Variants in ASB3 observed in about 807,000 individuals in gnomAD.
ASB3 encodes ankyrin repeat and SOCS box containing 3, also known as ankyrin repeat and SOCS box protein 3.
In ASB3, 41 loss-of-function variants were observed where a neutral mutation model predicts 54.5. The observed-to-expected ratio is 0.75, with a 90% CI of 0.59 to 0.98. The LOEUF (loss-of-function observed/expected upper bound fraction) is 0.98, where lower values mean the gene tolerates loss of function less well. Ranked by LOEUF, ASB3 falls within the 50% of genes least tolerant of loss-of-function variation. The pLI is 0.00. For synonymous variants in ASB3, 266 were observed against 221.2 expected, an observed-to-expected ratio of 1.20 and a Z score of -1.80; for missense variants, 733 against 620.0, an observed-to-expected ratio of 1.18 and a Z score of -1.94.
intron 2 of ASB3, among the ~76,000 whole-genome samples, chr2:53,754,333 T>C (rs1229962477): frequency 6.6e-6 from 1 of 152,108 alleles, no homozygotes; most frequent in Non-Finnish European, 1.5e-5. Flanking sequence ...ATCAAGGAAG[T>C]AGAGTTTAAT....
At chr2:53,696,787 G>T (rs535819493) in intron 8 of ASB3, among the ~76,000 whole-genome samples, 1 of 152,230 alleles carries the variant, frequency 6.6e-6, no homozygotes, top group East Asian at 1.9e-4. Flanking sequence ...GCATTTATAA[G>T]GCATTAGGTA....
intron 3 of ASB3, among the ~76,000 whole-genome samples, chr2:53,732,609 T>C (rs956193586): frequency 6.6e-6 from 1 of 152,094 alleles, no homozygotes; most frequent in African/African-American, 2.4e-5. Context: ...GACAGAAAAA[T>C]TTTCATTTTT....
chr2:53,702,989 G>T (rs1268856655), intron 7 of ASB3, among the ~76,000 whole-genome samples: 2 of 152,168 alleles, frequency 1.3e-5, no homozygotes, highest in African/African-American at 4.8e-5. Flanking sequence ...GTGCCCACAC[G>T]ATATGGTGGC....
At chr2:53,731,198 G>A (rs181107669) in intron 3 of ASB3, among the ~76,000 whole-genome samples, 38 of 152,234 alleles carry the variant, frequency 2.5e-4, no homozygotes, top group African/African-American at 7.5e-4. Context: ...TCAGGAGATC[G>A]AGACCATCCT....
intron 9 of ASB3, among the ~76,000 whole-genome samples, chr2:53,683,292 C>T (rs188204107): frequency 3.9e-4 from 59 of 152,262 alleles, no homozygotes; most frequent in African/African-American, 6.7e-4. Context: ...TGTTGAACCA[C>T]GCTTGCATCC....
chr2:53,670,517 T>C lies in ASB3; in HGVS notation c.1543A>G (p.Ile515Val), dbSNP rs746945772. 9.3e-6 allele frequency: 15 copies of C among 1,613,594 alleles called. No individual in the cohort carries two copies. The highest frequency in any genetic ancestry group is 1.3e-5 in the Non-Finnish European group (15 of 1,179,924). Reference sequence around the variant, plus strand: ...GTTTCACTGATTTATCCATCTTGAATAGCTGCCAGTTCTGGAACTTCATAC... The same window carrying C: ...GTTTCACTGATTTATCCATCTTGAACAGCTGCCAGTTCTGGAACTTCATAC... The part of the protein sequence containing the change: ...RMYEVPELAA[I>V]QDG The change falls in exon 10 of 10, where the codon ATT becomes GTT. Residue 515 changes from isoleucine (I) to valine (V), a missense_variant. Physicochemically the swap from Ile to Val is conservative, Grantham distance 29. Transcript: ENST00000263634.
chr2:53,722,738 G>A (rs1357266554), intron 5 of ASB3, among the ~76,000 whole-genome samples: 1 of 152,036 alleles, frequency 6.6e-6, no homozygotes, highest in African/African-American at 2.4e-5. Flanking sequence ...ACATCATACT[G>A]AACAGGCAAA....
At chr2:53,670,805 A>C (rs1188339328) in intron 9 of ASB3, 115 bp from the exon 10 acceptor site, 8 of 1,201,540 alleles carry the variant, frequency 6.7e-6, no homozygotes, top group East Asian at 5.2e-5. Flanking sequence ...ATATTGCTTG[A>C]AAGAAGACTA....
At chr2:53,677,994 T>C (rs1668170391) in intron 9 of ASB3, among the ~76,000 whole-genome samples, 2 of 152,330 alleles carry the variant, frequency 1.3e-5, no homozygotes, top group Admixed American at 1.3e-4. Flanking sequence ...TTTTAGCTTT[T>C]TAAAATTTTT....
intron 5 of ASB3, among the ~76,000 whole-genome samples, chr2:53,726,228 T>C (rs1442312464): frequency 1.3e-5 from 2 of 150,390 alleles, no homozygotes; most frequent in Non-Finnish European, 3.0e-5. Context: ...GGAGAGACAT[T>C]AAGGTGCAGT....
At chr2:53,777,830 C>A (rs1265683986) in intron 1 of ASB3, among the ~76,000 whole-genome samples, 1 of 152,106 alleles carries the variant, frequency 6.6e-6, no homozygotes, top group Non-Finnish European at 1.5e-5. Flanking sequence ...TTACTAAAAA[C>A]AATATAACAT....
chr2:53,754,654 C>T (rs1482146341), intron 2 of ASB3, among the ~76,000 whole-genome samples: 1 of 152,192 alleles, frequency 6.6e-6, no homozygotes, highest in African/African-American at 2.4e-5. Context: ...ATTACTTAAA[C>T]CTCTCTGAGG....
At chr2:53,676,205 T>C (rs1163190568) in intron 9 of ASB3, among the ~76,000 whole-genome samples, 1 of 152,178 alleles carries the variant, frequency 6.6e-6, no homozygotes, top group African/African-American at 2.4e-5. Context: ...CTGCAAAGAC[T>C]CTAATATATT....
intron 3 of ASB3, among the ~76,000 whole-genome samples, chr2:53,736,343 C>G (rs563977881): frequency 3.4e-4 from 51 of 152,186 alleles, no homozygotes; most frequent in African/African-American, 1.1e-3. Context: ...AGTAAGTATC[C>G]GGCAGGGATG....
At chr2:53,716,365 G>C (rs1273524455) in intron 6 of ASB3, among the ~76,000 whole-genome samples, 1 of 152,002 alleles carries the variant, frequency 6.6e-6, no homozygotes, top group Non-Finnish European at 1.5e-5. Flanking sequence ...TAGCAATTCT[G>C]CCTCACAATA....
chr2:53,709,439 T>C lies in ASB3; in HGVS notation c.980+4945A>G, dbSNP rs897715718. On this transcript the variant is annotated intron_variant, in intron 7 of 9. Coordinates refer to ENST00000263634, the MANE Select transcript of ASB3 (RefSeq NM_016115.5). The stretch of plus-strand genomic sequence containing the variant: ...GCATAAAGGGCCTTCTTTCTTTGCA[T>C]TGGTCTTGCCTCTACCCCATAAACA... Among the ~76,000 whole-genome samples, 11 of 152,170 alleles carry C rather than the reference T, an allele frequency of 7.2e-5. 1 individual carries two copies. Among genetic ancestry groups the C allele is most frequent in the Admixed American group, 4.6e-4 (7 of 15,284 alleles).
intron 3 of ASB3, among the ~76,000 whole-genome samples, chr2:53,735,463 AC>A (rs1181026359): frequency 6.7e-6 from 1 of 148,296 alleles, no homozygotes; most frequent in African/African-American, 2.5e-5. Flanking sequence ...ACTACAAAAT[AC>A]TACTGAGAAA....
intron 1 of ASB3, among the ~76,000 whole-genome samples, chr2:53,769,800 C>T (rs1218730294): frequency 6.6e-6 from 1 of 152,178 alleles, no homozygotes; most frequent in Non-Finnish European, 1.5e-5. Flanking sequence ...TGAGATTGCG[C>T]CACTGCACTC....
intron 3 of ASB3, among the ~76,000 whole-genome samples, chr2:53,745,085 A>G (rs1205540638): frequency 6.6e-6 from 1 of 152,234 alleles, no homozygotes; most frequent in African/African-American, 2.4e-5. Flanking sequence ...ATATAACAAA[A>G]TAAAAAGGAA....
Sources: allele counts gnomAD v4.1 joint callset (sites outside exome capture counted in the v4.1 genomes callset), GRCh38; gene constraint gnomAD v4.1.1; transcripts MANE v1.5; gene names NCBI Gene and HGNC (gene_info 2026-07-23, HGNC 2026-07-21).